PACSIN2: variants seen among roughly 807,000 people sequenced by gnomAD.
PACSIN2 encodes the protein protein kinase C and casein kinase substrate in neurons 2.
In PACSIN2, 25 loss-of-function variants were observed where a neutral mutation model predicts 63.8. The observed-to-expected ratio is 0.39, with a 90% confidence interval of 0.29 to 0.55. PACSIN2 has a LOEUF of 0.55. PACSIN2 is among the 20% of genes least tolerant of loss of function. PACSIN2 has a pLI of 0.62. For synonymous variants in PACSIN2, 255 were observed against 256.2 expected (o/e 1.00, Z 0.05); for missense variants, 518 against 646.9 (o/e 0.80, Z 2.16).
chr22:42,911,045 C>T (rs1279503102), intron 2 of PACSIN2, among the ~76,000 whole-genome samples: 1 of 152,068 alleles, frequency 6.6e-6, no homozygotes, highest in Non-Finnish European at 1.5e-5. Context: ...GCTGGGGTTA[C>T]AGGTGCCCAC....
intron 1 of PACSIN2, among the ~76,000 whole-genome samples, chr22:42,995,469 A>C (rs1203809471): frequency 6.6e-6 from 1 of 152,162 alleles, no homozygotes; most frequent in East Asian, 1.9e-4. Context: ...AAGGTTTTTA[A>C]AGCAACTTTT....
At chr22:42,907,546 C>T (rs1270152562) in intron 2 of PACSIN2, among the ~76,000 whole-genome samples, 1 of 152,262 alleles carries the variant, frequency 6.6e-6, no homozygotes, top group African/African-American at 2.4e-5. Context: ...GATGTGGGCA[C>T]AGTGCTCCTG....
chr22:42,941,942 A>G (rs1569302814), intron 1 of PACSIN2, among the ~76,000 whole-genome samples: 1 of 151,976 alleles, frequency 6.6e-6, no homozygotes, highest in Non-Finnish European at 1.5e-5. Flanking sequence ...ACGCCCAGCT[A>G]ATTTTTGTAT....
chr22:42,948,610 C>G (rs1933536542), intron 1 of PACSIN2, among the ~76,000 whole-genome samples: 1 of 152,110 alleles, frequency 6.6e-6, no homozygotes, highest in Non-Finnish European at 1.5e-5. Context: ...TGAGTAGCCA[C>G]TGTACTCCAG....
At chr22:42,997,154 G>A (rs1182659080) in intron 1 of PACSIN2, among the ~76,000 whole-genome samples, 2 of 152,198 alleles carry the variant, frequency 1.3e-5, no homozygotes, top group Non-Finnish European at 2.9e-5. Flanking sequence ...ATCACGCTCT[G>A]CCTCCTCTGA....
intron 1 of PACSIN2, among the ~76,000 whole-genome samples, chr22:42,989,204 A>G (rs548072508): frequency 1.3e-5 from 2 of 152,240 alleles, no homozygotes; most frequent in African/African-American, 4.8e-5. Flanking sequence ...TACAATAGAA[A>G]ACTCAATTCT....
chr22:42,923,585 G>A (rs1932340033), intron 1 of PACSIN2, among the ~76,000 whole-genome samples: 5 of 152,148 alleles, frequency 3.3e-5, no homozygotes, highest in Admixed American at 3.3e-4. Flanking sequence ...CCGCCACCAT[G>A]CCTGGCTAAT....
intron 2 of PACSIN2, among the ~76,000 whole-genome samples, chr22:42,910,688 T>C (rs5759027): frequency 0.21 from 31,552 of 152,080 alleles, 5,539 homozygotes; most frequent in East Asian, 0.73. Flanking sequence ...GAAATATTTC[T>C]CAGGCAGATG....
At chr22:42,956,131 C>T (rs768258569) in intron 1 of PACSIN2, among the ~76,000 whole-genome samples, 25 of 152,220 alleles carry the variant, frequency 1.6e-4, no homozygotes, top group Non-Finnish European at 2.5e-4. Flanking sequence ...GGAAACATGA[C>T]TGAGTATGAA....
chr22:42,913,969 T>G (rs1345817003), intron 1 of PACSIN2, among the ~76,000 whole-genome samples: 1 of 152,238 alleles, frequency 6.6e-6, no homozygotes, highest in African/African-American at 2.4e-5. Context: ...CACACTGCTG[T>G]GCAGCAACAG....
intron 2 of PACSIN2, among the ~76,000 whole-genome samples, chr22:42,904,301 A>G (rs1273378556): frequency 2.0e-5 from 3 of 152,166 alleles, no homozygotes; most frequent in South Asian, 2.1e-4. Context: ...CCTGTGTGCC[A>G]TCTCCCATCC....
rs1259744000 is a variant in PACSIN2, at chr22:42,888,618, G to A, written c.609+25C>T. On this transcript the variant is annotated intron_variant, in intron 5 of 10. Transcript: ENST00000263246. ...AACAACTGACACGGTGACACTCGAC[G>A]TGTAAAAACAAGTGTACAGTTTACC... 2.5e-6 allele frequency: 4 copies of A among 1,610,502 alleles called. No homozygotes were observed. The South Asian group carries it at 3.3e-5, about 13-fold the overall frequency.
At chr22:42,962,381 T>G (rs977540928) in intron 1 of PACSIN2, among the ~76,000 whole-genome samples, 5 of 152,088 alleles carry the variant, frequency 3.3e-5, no homozygotes, top group Non-Finnish European at 5.9e-5. Flanking sequence ...ATTTCCCAGA[T>G]GAGAGGTTAT....
At chr22:42,978,510 C>T (rs1921860086) in intron 1 of PACSIN2, among the ~76,000 whole-genome samples, 1 of 152,234 alleles carries the variant, frequency 6.6e-6, no homozygotes, top group Admixed American at 6.5e-5. Flanking sequence ...TGCTGAATGA[C>T]TGCAAAGCTG....
chr22:42,985,989 C>G (rs895574697), intron 1 of PACSIN2, among the ~76,000 whole-genome samples: 8 of 149,476 alleles, frequency 5.4e-5, no homozygotes, highest in African/African-American at 2.0e-4. Flanking sequence ...AAAGAAACAT[C>G]GAGGTCTTCT....
intron 1 of PACSIN2, among the ~76,000 whole-genome samples, chr22:42,978,564 C>G (rs1004202736): frequency 7.2e-5 from 11 of 152,200 alleles, no homozygotes; most frequent in Admixed American, 5.9e-4. Flanking sequence ...CACTCACATT[C>G]ACCCACCCAC....
chr22:42,897,673 G>A (rs971035982), intron 2 of PACSIN2, among the ~76,000 whole-genome samples: 42 of 152,196 alleles, frequency 2.8e-4, no homozygotes, highest in African/African-American at 9.9e-4. Context: ...CCTGGCAGAC[G>A]GAGGGCCAAG....
intron 1 of PACSIN2, among the ~76,000 whole-genome samples, chr22:42,924,359 C>T (rs1405172425): frequency 6.6e-6 from 1 of 152,214 alleles, no homozygotes; most frequent in Non-Finnish European, 1.5e-5. Context: ...AAAATTAGAA[C>T]ATATTAATTT....
chr22:42,948,306 C>T (rs747849424), intron 1 of PACSIN2, among the ~76,000 whole-genome samples: 4 of 152,160 alleles, frequency 2.6e-5, no homozygotes, highest in Non-Finnish European at 5.9e-5. Flanking sequence ...GACTTCTGCT[C>T]CATTTACCTA....
Sources: allele counts gnomAD v4.1 joint callset (sites outside exome capture counted in the v4.1 genomes callset), GRCh38; gene constraint gnomAD v4.1.1; transcripts MANE v1.5; gene names NCBI Gene and HGNC (gene_info 2026-07-23, HGNC 2026-07-21).